The following TRPC5 variants were observed in gnomAD, a reference collection of about 807,000 sequenced individuals.
TRPC5 encodes the protein transient receptor potential cation channel subfamily C member 5, also known as short transient receptor potential channel 5.
TRPC5 carries 9 observed loss-of-function variants against 56.5 expected under a neutral mutation model. That is an observed-to-expected ratio of 0.16 (90% CI 0.10 to 0.28). TRPC5 has a LOEUF of 0.28. TRPC5 is among the 10% of genes least tolerant of loss of function. TRPC5 has a pLI of 1.00. For synonymous variants in TRPC5, 282 were observed against 278.5 expected, an observed-to-expected ratio of 1.01 and a Z score of -0.13; for missense variants, 469 against 748.9, an observed-to-expected ratio of 0.63 and a Z score of 4.36.
At chrX:112,053,987 A>G (rs1271838287) in intron 1 of TRPC5, among the ~76,000 whole-genome samples, 2 of 112,539 alleles carry the variant, frequency 1.8e-5, no homozygotes, top group Non-Finnish European at 3.8e-5. Flanking sequence ...TAAAGCAGAC[A>G]TGACTAGGCT....
chrX:111,995,023 G>A (rs1928482404), intron 1 of TRPC5, among the ~76,000 whole-genome samples: 1 of 111,825 alleles, frequency 8.9e-6, no homozygotes. Flanking sequence ...TGGTGAGAGA[G>A]GGCATCCTTG....
chrX:111,989,342 C>CT (rs1415244155), intron 1 of TRPC5, among the ~76,000 whole-genome samples: 1 of 111,750 alleles, frequency 8.9e-6, no homozygotes, highest in African/African-American at 3.3e-5. Flanking sequence ...TTCCAGCATG[C>CT]TTTCCCTTAT....
intron 3 of TRPC5, among the ~76,000 whole-genome samples, chrX:111,888,266 C>T (rs746326112): frequency 9.0e-6 from 1 of 110,612 alleles, no homozygotes; most frequent in Admixed American, 9.7e-5. Flanking sequence ...GCCATATAAA[C>T]CACTATAAGG....
At chrX:112,030,362 TAGTA>T (rs979456503) in intron 1 of TRPC5, among the ~76,000 whole-genome samples, 2 of 112,318 alleles carry the variant, frequency 1.8e-5, no homozygotes, top group Non-Finnish European at 3.8e-5. Flanking sequence ...AGTCCATAGC[TAGTA>T]AGTGAGAGAT....
At chrX:111,902,167 T>C in intron 3 of TRPC5, 1 of 1,136,741 alleles carries the variant, frequency 8.8e-7, no homozygotes, top group Non-Finnish European at 1.2e-6. Context: ...GTATAAATGA[T>C]GACTTAACAG....
At chrX:111,833,913 C>A (rs1361582964) in intron 7 of TRPC5, among the ~76,000 whole-genome samples, 1 of 111,456 alleles carries the variant, frequency 9.0e-6, no homozygotes, top group Non-Finnish European at 1.9e-5. Context: ...TTATTTTGTA[C>A]TTTCTCTGCT....
At chrX:111,995,238 A>G (rs1401537996) in intron 1 of TRPC5, among the ~76,000 whole-genome samples, 3 of 111,721 alleles carry the variant, frequency 2.7e-5, no homozygotes, top group Admixed American at 1.9e-4. Flanking sequence ...GGTTTTAGTC[A>G]TTGGTTCTGA....
At chrX:111,923,619 C>A (rs1012622027) in intron 2 of TRPC5, among the ~76,000 whole-genome samples, 5 of 111,028 alleles carry the variant, frequency 4.5e-5, no homozygotes, top group Non-Finnish European at 5.7e-5. Flanking sequence ...AACAAACAAA[C>A]AAAAAACCAA....
At chrX:112,067,419 C>T in intron 1 of TRPC5, among the ~76,000 whole-genome samples, 1 of 112,550 alleles carries the variant, frequency 8.9e-6, no homozygotes, top group Admixed American at 9.4e-5. Context: ...TTATTTATTC[C>T]TCGAGACAAC....
chrX:111,781,872 G>T (rs1945922498), intron 8 of TRPC5, 63 bp downstream of exon 8: 1 of 1,033,347 alleles, frequency 9.7e-7, no homozygotes, highest in African/African-American at 1.9e-5. Flanking sequence ...CTCCAGCCTG[G>T]GTGACAGAGT....
intron 1 of TRPC5, among the ~76,000 whole-genome samples, chrX:112,066,874 G>T (rs765929315): frequency 8.9e-6 from 1 of 112,339 alleles, no homozygotes; most frequent in African/African-American, 3.2e-5. Context: ...GATTTTACTT[G>T]TTCATACATG....
At chrX:111,936,809 G>A (rs1220361052) in intron 2 of TRPC5, among the ~76,000 whole-genome samples, 2 of 96,392 alleles carry the variant, frequency 2.1e-5, no homozygotes, top group Admixed American at 1.1e-4. Flanking sequence ...AAACATACGT[G>A]TGCATGTGTC....
chrX:111,944,303 T>TGTGTGTGTGA (rs1173179815), intron 2 of TRPC5, among the ~76,000 whole-genome samples: 5 of 61,360 alleles, frequency 8.1e-5, no homozygotes, highest in African/African-American at 2.1e-4. Context: ...TGTGTGTGTG[T>TGTGTGTGTGA]GAGAGAGAGA....
intron 3 of TRPC5, among the ~76,000 whole-genome samples, chrX:111,859,577 T>A (rs748896601): frequency 8.9e-6 from 1 of 112,199 alleles, no homozygotes; most frequent in Non-Finnish European, 1.9e-5. Context: ...TAAATACCTA[T>A]GAGTTGGGTG....
At chrX:111,861,633 A>G (rs1187598886) in intron 3 of TRPC5, among the ~76,000 whole-genome samples, 3 of 111,964 alleles carry the variant, frequency 2.7e-5, no homozygotes, top group Non-Finnish European at 3.8e-5. Context: ...GACACTAAAA[A>G]TAATGACTTA....
chrX:111,854,009 G>T lies in TRPC5; in HGVS notation c.998C>A (p.Thr333Asn), dbSNP rs745375109. 1 of 1,211,817 alleles carries T rather than the reference G, an allele frequency of 8.3e-7. No individual in the cohort carries two copies. The highest frequency in any genetic ancestry group is 1.1e-6 in the Non-Finnish European group (1 of 895,513). The change falls in exon 4 of 11, where the codon ACC becomes AAC. Residue 333 changes from threonine to asparagine, a missense_variant. By Grantham distance (65) the Thr-to-Asn change is moderately conservative (BLOSUM62 0). This residue lies in a region of TRPC5 where 157 missense variants were observed against 360.0 expected (regional missense o/e 0.44). Transcript: ENST00000262839. ...AAACAGGAACCCAATGGTCATGCAG[G>T]TTAGAAGCTTGACTACCCAGTGTTT... ...RRKHWVVKLL[T>N]CMTIGFLFPM...
At chrX:111,789,546 A>G (rs1201865100) in intron 7 of TRPC5, among the ~76,000 whole-genome samples, 1 of 112,255 alleles carries the variant, frequency 8.9e-6, no homozygotes, top group Non-Finnish European at 1.9e-5. Context: ...AATGCCAACA[A>G]AAGTCAAAAT....
At chrX:111,817,885 A>G (rs1453339416) in intron 7 of TRPC5, among the ~76,000 whole-genome samples, 1 of 111,450 alleles carries the variant, frequency 9.0e-6, no homozygotes, top group African/African-American at 3.3e-5. Context: ...TCAGTGGGAT[A>G]ATAACTGGAG....
intron 7 of TRPC5, among the ~76,000 whole-genome samples, chrX:111,822,480 A>C (rs1403239614): frequency 1.8e-5 from 2 of 112,086 alleles, no homozygotes; most frequent in African/African-American, 6.5e-5. Flanking sequence ...AGATTGTCAA[A>C]GGAATCTGTG....
Sources: allele counts gnomAD v4.1 joint callset (sites outside exome capture counted in the v4.1 genomes callset), GRCh38; gene constraint gnomAD v4.1.1; regional missense constraint gnomAD v4.1.1; transcripts MANE v1.5; gene names NCBI Gene and HGNC (gene_info 2026-07-23, HGNC 2026-07-21).